Variants in SLCO6A1 observed in about 807,000 individuals in gnomAD.
SLCO6A1 encodes the protein solute carrier organic anion transporter family member 6A1.
SLCO6A1 carries 65 observed loss-of-function variants against 72.7 expected under a neutral mutation model. The ratio of observed to expected loss-of-function variants is 0.89; its 90% CI spans 0.73 to 1.10. The LOEUF (loss-of-function observed/expected upper bound fraction) is 1.10. Ranked by LOEUF, SLCO6A1 falls within the 50% of genes least tolerant of loss-of-function variation. SLCO6A1 has a pLI of 0.00. For synonymous variants in SLCO6A1, 314 were observed against 298.2 expected, an observed-to-expected ratio of 1.05 and a Z score of -0.55; for missense variants, 874 against 872.6, an observed-to-expected ratio of 1.00 and a Z score of -0.02.
chr5:102,415,401 C>T (rs1467684124), intron 8 of SLCO6A1, among the ~76,000 whole-genome samples: 1 of 152,002 alleles, frequency 6.6e-6, no homozygotes, highest in East Asian at 1.9e-4. Flanking sequence ...AGAAGAAAAG[C>T]CACATATTTA....
At position 102,373,269 on chromosome 5, in the gene SLCO6A1, A is replaced by C. The variant is rs1580306039; in HGVS notation, c.*15+68T>G. The C allele has an allele frequency of 6.4e-5, 64 of 1,001,794 alleles. 1 individual carries two copies. The South Asian group carries it at 1.8e-3, about 28-fold the overall frequency. 62.1% of individuals were successfully genotyped at this position (1,001,794 alleles called of 1,614,324 possible). On this transcript the variant is annotated intron_variant, in intron 13 of 13. Coordinates refer to ENST00000506729, the MANE Select transcript of SLCO6A1 (RefSeq NM_173488.5). ...GCACATTTGTTAAACATGTAATTAC[A>C]TTATTATTACTTTAAATTTTATTAA...
intron 1 of SLCO6A1, among the ~76,000 whole-genome samples, chr5:102,482,060 A>G (rs1313645374): frequency 6.6e-6 from 1 of 152,194 alleles, no homozygotes; most frequent in Non-Finnish European, 1.5e-5. Context: ...TTTACATTAG[A>G]TGTGGCCAAG....
At chr5:102,467,511 C>G (rs183309598) in intron 4 of SLCO6A1, among the ~76,000 whole-genome samples, 8 of 152,010 alleles carry the variant, frequency 5.3e-5, no homozygotes, top group Admixed American at 1.3e-4. Context: ...TCACTACATA[C>G]GAGTACAGTA....
intron 7 of SLCO6A1, among the ~76,000 whole-genome samples, chr5:102,428,062 G>A (rs552242529): frequency 1.2e-3 from 178 of 150,948 alleles, no homozygotes; most frequent in African/African-American, 4.0e-3. Context: ...AGTAGAGACC[G>A]GGTTTCACCT....
chr5:102,451,116 C>T (rs904474755), intron 6 of SLCO6A1, among the ~76,000 whole-genome samples: 5 of 152,176 alleles, frequency 3.3e-5, no homozygotes, highest in African/African-American at 1.2e-4. Flanking sequence ...GGAAAACAAT[C>T]TGGTCGCTTT....
chr5:102,494,262 C>T (rs989797562), intron 1 of SLCO6A1, among the ~76,000 whole-genome samples: 7 of 152,040 alleles, frequency 4.6e-5, no homozygotes, highest in Non-Finnish European at 1.0e-4. Flanking sequence ...CCTTTCCATA[C>T]ACCAAAACAG....
chr5:102,421,420 C>T (rs1341432630), intron 7 of SLCO6A1, among the ~76,000 whole-genome samples: 1 of 152,126 alleles, frequency 6.6e-6, no homozygotes, highest in African/African-American at 2.4e-5. Flanking sequence ...ACCTAAGATG[C>T]TCGAGCTTGG....
chr5:102,394,417 T>C lies in SLCO6A1; in HGVS notation c.1815-3372A>G, dbSNP rs139616496. On this transcript the variant is annotated intron_variant, in intron 10 of 13. Coordinates refer to ENST00000506729, the MANE Select transcript of SLCO6A1 (RefSeq NM_173488.5). ...AGGCACACTGGAGAAATTTGCTTGC[T>C]TATACTCCTATCCTCTGTTTATCTG... 8.2e-3 allele frequency among the ~76,000 whole-genome samples: 1,249 copies of C among 151,976 alleles called. 18 individuals carry two copies. Among genetic ancestry groups the C allele is most frequent in the African/African-American group, 0.028 (1,172 of 41,546 alleles).
intron 6 of SLCO6A1, among the ~76,000 whole-genome samples, chr5:102,454,916 AAC>A (rs1750620605): frequency 6.6e-6 from 1 of 150,432 alleles, no homozygotes; most frequent in Non-Finnish European, 1.5e-5. Context: ...TTAAAAGATA[AAC>A]ACAGAATAGA....
chr5:102,459,555 C>A, intron 5 of SLCO6A1, 101 bp downstream of exon 5: 2 of 1,291,518 alleles, frequency 1.5e-6, no homozygotes, highest in Non-Finnish European at 2.1e-6. Flanking sequence ...GAGAGGCATA[C>A]TCATTTTATT....
Position 102,388,777 on chromosome 5 carries a change from CAAG to C in SLCO6A1, c.1925_1927del (p.Ser642del). The C allele has an allele frequency of 6.2e-7, 1 of 1,608,166 alleles. No homozygotes were observed. The highest frequency in any genetic ancestry group is 8.5e-7 in the Non-Finnish European group (1 of 1,178,132). On this transcript the variant is annotated inframe_deletion, in exon 12 of 14. Coordinates refer to ENST00000506729, the MANE Select transcript of SLCO6A1 (RefSeq NM_173488.5). The stretch of plus-strand genomic sequence containing the variant: ...ACATTTATTAACATCCCGTAAAATA[CAAG>C]AAGTTTCTCCTGACATTTTAAAGAT...
At chr5:102,476,449 G>T (rs559214371) in intron 3 of SLCO6A1, among the ~76,000 whole-genome samples, 2 of 152,204 alleles carry the variant, frequency 1.3e-5, no homozygotes, top group South Asian at 4.1e-4. Flanking sequence ...TCAACTGATT[G>T]AATGAGGCTC....
At chr5:102,405,750 A>G (rs1331570221) in intron 9 of SLCO6A1, among the ~76,000 whole-genome samples, 1 of 152,086 alleles carries the variant, frequency 6.6e-6, no homozygotes, top group Non-Finnish European at 1.5e-5. Context: ...TGAATATTAA[A>G]TTTCTGGGTA....
At chr5:102,443,441 TC>T (rs1749949963) in intron 6 of SLCO6A1, among the ~76,000 whole-genome samples, 1 of 152,110 alleles carries the variant, frequency 6.6e-6, no homozygotes, top group Admixed American at 6.5e-5. Context: ...ATTCATACTT[TC>T]CCCCAAAAGA....
rs57983218 is a variant in SLCO6A1, at chr5:102,385,826, CTTTTTTTT to C, written c.2017+2854_2017+2861del. On this transcript the variant is annotated intron_variant, in intron 12 of 13. Coordinates refer to ENST00000506729, the MANE Select transcript of SLCO6A1 (RefSeq NM_173488.5). ...AGTCTCCATTTTTCTCCTGTTTTTC[CTTTTTTTT>C]TTTTTTTTTTTAATTGAGATGGCCT... Among the ~76,000 whole-genome samples, 877 of 121,214 alleles carry C rather than the reference CTTTTTTTT, an allele frequency of 7.2e-3. 5 individuals carry two copies. Among genetic ancestry groups the C allele is most frequent in the Non-Finnish European group, 8.8e-3 (525 of 59,356 alleles). 79.5% of individuals were successfully genotyped at this position (121,214 alleles called of 152,430 possible). A position where few individuals can be genotyped will look rare whatever the true frequency, so the allele number is the denominator to read the frequency against.
intron 9 of SLCO6A1, among the ~76,000 whole-genome samples, chr5:102,402,548 G>A (rs1747457011): frequency 6.6e-6 from 1 of 152,238 alleles, no homozygotes; most frequent in South Asian, 2.1e-4. Context: ...TAATTCTGAA[G>A]GCTGGCAAGT....
chr5:102,454,557 T>A (rs1475213991), intron 6 of SLCO6A1, among the ~76,000 whole-genome samples: 1 of 152,156 alleles, frequency 6.6e-6, no homozygotes, highest in East Asian at 1.9e-4. Flanking sequence ...TAGATGTTAG[T>A]CAGAAGTCTA....
Position 102,498,851 on chromosome 5 carries a change from C to T in SLCO6A1, c.-7G>A. On this transcript the variant is annotated 5_prime_UTR_variant, in exon 1 of 14. It adds an upstream start codon to the 5' untranslated region. Coordinates refer to ENST00000506729, the MANE Select transcript of SLCO6A1 (RefSeq NM_173488.5). ...GGGCGACGCCTACGAACATGGCTCA[C>T]CCTGGGCGGCTCCTGGCGACGCGGC... 6.3e-7 allele frequency: 1 copy of T among 1,597,598 alleles called. No homozygotes were observed. Among genetic ancestry groups the T allele is most frequent in the East Asian group, 2.2e-5 (1 of 44,634 alleles).
At chr5:102,496,747 A>C (rs1276385277) in intron 1 of SLCO6A1, among the ~76,000 whole-genome samples, 1 of 152,206 alleles carries the variant, frequency 6.6e-6, no homozygotes, top group Non-Finnish European at 1.5e-5. Context: ...TCAGTCACTA[A>C]GGAGACATGA....
Sources: gnomAD v4.1 joint callset for allele counts (sites outside exome capture counted in the v4.1 genomes callset) on GRCh38, gnomAD v4.1.1 for gene constraint, MANE v1.5 for transcripts, NCBI Gene and HGNC (gene_info 2026-07-23, HGNC 2026-07-21) for gene names.